The following OPCML variants were observed in gnomAD, a reference collection of about 807,000 sequenced individuals.
The protein encoded by OPCML is opioid-binding protein/cell adhesion molecule.
A neutral mutation model predicts 37.8 loss-of-function variants in OPCML; 13 were observed. The ratio of observed to expected loss-of-function variants is 0.34; its 90% CI spans 0.22 to 0.55. The LOEUF is 0.55. Ranked by LOEUF, OPCML falls within the 20% of genes least tolerant of loss-of-function variation. The probability of loss-of-function intolerance (pLI) is 0.91; values close to 1 mark genes in which losing one functional copy is unlikely to be tolerated. For missense variants in OPCML, 341 were observed against 435.6 expected, an observed-to-expected ratio of 0.78 and a Z score of 1.93; for synonymous variants, 176 against 168.8, an observed-to-expected ratio of 1.04 and a Z score of -0.33.
intron 4 of OPCML, among the ~76,000 whole-genome samples, chr11:132,491,077 G>T (rs2096214206): frequency 1.3e-5 from 2 of 152,122 alleles, no homozygotes; most frequent in Non-Finnish European, 2.9e-5. Context: ...AATTCCAGCT[G>T]CAACTCTTTC....
chr11:133,341,736 T>C (rs1042230194), intron 1 of OPCML, among the ~76,000 whole-genome samples: 1 of 152,084 alleles, frequency 6.6e-6, no homozygotes, highest in Non-Finnish European at 1.5e-5. Flanking sequence ...CTGGCCAACA[T>C]GGCAAAACCC....
At chr11:132,591,519 CAGG>C (rs1402691708) in intron 3 of OPCML, among the ~76,000 whole-genome samples, 2 of 152,114 alleles carry the variant, frequency 1.3e-5, no homozygotes, top group African/African-American at 4.8e-5. Flanking sequence ...TACATGGCAC[CAGG>C]ATCTAATGAT....
intron 4 of OPCML, among the ~76,000 whole-genome samples, chr11:132,442,572 A>C (rs940966362): frequency 8.5e-5 from 13 of 152,190 alleles, no homozygotes; most frequent in Admixed American, 8.5e-4. Flanking sequence ...CTCTGGGGAC[A>C]ATTTTAGGAG....
chr11:133,190,809 A>T (rs551825668), intron 1 of OPCML, among the ~76,000 whole-genome samples: 2 of 152,218 alleles, frequency 1.3e-5, no homozygotes, highest in South Asian at 2.1e-4. Context: ...AACATGTATT[A>T]GTGTTTTATT....
intron 2 of OPCML, among the ~76,000 whole-genome samples, chr11:132,878,009 C>T (rs977946975): frequency 6.6e-6 from 1 of 152,076 alleles, no homozygotes; most frequent in Admixed American, 6.5e-5. Flanking sequence ...GGTGAAACCC[C>T]GTCTCTACTA....
intron 2 of OPCML, among the ~76,000 whole-genome samples, chr11:132,852,139 A>G (rs1324712945): frequency 6.6e-6 from 1 of 152,164 alleles, no homozygotes; most frequent in East Asian, 1.9e-4. Context: ...TGTTAAAATA[A>G]TTCTTATCTG....
intron 2 of OPCML, among the ~76,000 whole-genome samples, chr11:132,892,107 C>T (rs573275774): frequency 1.4e-4 from 21 of 152,344 alleles, no homozygotes; most frequent in African/African-American, 4.8e-4. Context: ...TCTCCTCCAT[C>T]GCTTTTAAAA....
chr11:132,718,595 C>T (rs541217933), intron 2 of OPCML, among the ~76,000 whole-genome samples: 9 of 152,244 alleles, frequency 5.9e-5, no homozygotes, highest in Admixed American at 5.9e-4. Flanking sequence ...CTGCACAAGG[C>T]GCTGGCTGAC....
At position 132,828,984 on chromosome 11, in the gene OPCML, T is replaced by C. The variant is rs535532908; in HGVS notation, c.146+113942A>G. Among the ~76,000 whole-genome samples the C allele has an allele frequency of 3.0e-4, 46 of 152,284 alleles. No individual in the cohort carries two copies. The South Asian group carries it at 9.3e-3, about 31-fold the overall frequency. ...TTTGAAAGATAGCAGTGTGGAGGAA[T>C]AGAAAACTTAAATAACTTTCCCAAC... On this transcript the variant is annotated intron_variant, in intron 2 of 7. Coordinates refer to ENST00000524381, the MANE Select transcript of OPCML (RefSeq NM_001012393.5).
At chr11:132,848,173 C>T (rs927221244) in intron 2 of OPCML, among the ~76,000 whole-genome samples, 5 of 152,202 alleles carry the variant, frequency 3.3e-5, no homozygotes, top group African/African-American at 1.2e-4. Context: ...TGTGAGATCA[C>T]GTCTCTCAAA....
At chr11:133,342,352 C>T (rs1943890043) in intron 1 of OPCML, among the ~76,000 whole-genome samples, 1 of 152,192 alleles carries the variant, frequency 6.6e-6, no homozygotes, top group Admixed American at 6.5e-5. Context: ...CACCGCGCCC[C>T]GCACTCATGG....
Position 132,580,467 on chromosome 11 carries a change from G to T in OPCML, c.380-51281C>A, listed in dbSNP as rs113964591. On this transcript the variant is annotated intron_variant, in intron 3 of 7. Coordinates refer to ENST00000524381, the MANE Select transcript of OPCML (RefSeq NM_001012393.5). ...AATAAGTGCAGATGGAACTAGTTAT[G>T]TTAGAAGAAAGAGATTATGCAGGGT... Among the ~76,000 whole-genome samples the T allele has an allele frequency of 6.2e-3, 942 of 152,270 alleles. 12 individuals are homozygous for T. The highest frequency in any genetic ancestry group is 0.021 in the African/African-American group (880 of 41,562).
At chr11:133,328,594 C>T (rs1943537312) in intron 1 of OPCML, among the ~76,000 whole-genome samples, 1 of 151,808 alleles carries the variant, frequency 6.6e-6, no homozygotes. Flanking sequence ...GGGCACTTTA[C>T]TAAATATTGA....
chr11:132,663,238 C>T (rs146409538), intron 2 of OPCML, among the ~76,000 whole-genome samples: 318 of 152,308 alleles, frequency 2.1e-3, no homozygotes, highest in African/African-American at 7.1e-3. Context: ...AGCCTCTACC[C>T]AGGAGCTAGT....
intron 4 of OPCML, among the ~76,000 whole-genome samples, chr11:132,478,388 G>A (rs2136998005): frequency 6.6e-6 from 1 of 152,306 alleles, no homozygotes; most frequent in Admixed American, 6.5e-5. Flanking sequence ...AATAAGTGCA[G>A]TGTATGATGA....
At chr11:132,954,151 TG>T (rs1419557473) in intron 1 of OPCML, among the ~76,000 whole-genome samples, 1 of 135,842 alleles carries the variant, frequency 7.4e-6, no homozygotes, top group Non-Finnish European at 1.6e-5. Flanking sequence ...TTGTTTGTTT[TG>T]TTTTTTGTTT....
At chr11:133,052,433 T>C (rs1422915235) in intron 1 of OPCML, among the ~76,000 whole-genome samples, 2 of 152,218 alleles carry the variant, frequency 1.3e-5, no homozygotes, top group Admixed American at 6.5e-5. Flanking sequence ...ACTGCCCTCA[T>C]AGAGCTTAGA....
At chr11:132,524,021 G>A (rs2096301372) in intron 4 of OPCML, among the ~76,000 whole-genome samples, 1 of 152,176 alleles carries the variant, frequency 6.6e-6, no homozygotes, top group South Asian at 2.1e-4. Context: ...CAAACATCTA[G>A]CCTTTCCAAA....
Position 132,965,222 on chromosome 11 carries a change from T to C in OPCML, c.62-22212A>G, listed in dbSNP as rs1946187660. 2.0e-5 allele frequency among the ~76,000 whole-genome samples: 3 copies of C among 152,198 alleles called. No individual in the cohort carries two copies. In the South Asian group the frequency reaches 6.2e-4, roughly 32 times the overall value. On this transcript the variant is annotated intron_variant, in intron 1 of 7. Transcript: ENST00000524381. ...TCATCTGGAAATAAGTACCGAAGTG[T>C]TCCCACTTCTTCCATTTCTCTCTCT...
Sources: allele counts gnomAD v4.1 joint callset (sites outside exome capture counted in the v4.1 genomes callset), GRCh38; gene constraint gnomAD v4.1.1; transcripts MANE v1.5; gene names NCBI Gene and HGNC (gene_info 2026-07-23, HGNC 2026-07-21).